The following C1QTNF7 variants were observed in gnomAD, a reference collection of about 807,000 sequenced individuals.
C1QTNF7 encodes the protein C1q and TNF related 7.
A neutral mutation model predicts 19.6 loss-of-function variants in C1QTNF7; 15 were observed. That is an observed-to-expected ratio of 0.76 (90% confidence interval 0.51 to 1.18). C1QTNF7 has a LOEUF of 1.18. Ranked by LOEUF, C1QTNF7 falls within the 50% of genes most tolerant of loss-of-function variation. The pLI is 0.00. For missense variants in C1QTNF7, 324 were observed against 359.7 expected (o/e 0.90, Z 0.80); for synonymous variants, 142 against 137.5 (o/e 1.03, Z -0.23).
rs116058335 is a variant in C1QTNF7, at chr4:15,363,337, C to T, written c.13+23130C>T. On this transcript the variant is annotated intron_variant, in intron 1 of 2. Transcript: ENST00000295297. ...AATTGTTATTTTTATTCAAGTAGAACGAAAACTTTGTGGTCATAAGAGACC... is the reference window on the plus strand; with the variant it reads ...AATTGTTATTTTTATTCAAGTAGAATGAAAACTTTGTGGTCATAAGAGACC... Among the ~76,000 whole-genome samples the T allele has an allele frequency of 9.1e-4, 138 of 151,858 alleles. 1 individual carries two copies. The highest frequency in any genetic ancestry group is 4.8e-3 in the South Asian group (23 of 4,798).
At chr4:15,402,611 A>C (rs559443731) in intron 1 of C1QTNF7, among the ~76,000 whole-genome samples, 1 of 152,330 alleles carries the variant, frequency 6.6e-6, no homozygotes, top group South Asian at 2.1e-4. Context: ...TGAAATAAAT[A>C]AAACCCTCCT....
chr4:15,400,896 C>A (rs1189870424), intron 1 of C1QTNF7, among the ~76,000 whole-genome samples: 1 of 152,138 alleles, frequency 6.6e-6, no homozygotes, highest in African/African-American at 2.4e-5. Context: ...TTCCCGATAC[C>A]CCCATCACAG....
chr4:15,380,670 C>A (rs1229025203), intron 1 of C1QTNF7, among the ~76,000 whole-genome samples: 5 of 152,194 alleles, frequency 3.3e-5, no homozygotes, highest in African/African-American at 1.2e-4. Context: ...CACAGTGGCT[C>A]ACATCTGTAA....
chr4:15,437,363 T>C (rs1168871334), intron 2 of C1QTNF7, among the ~76,000 whole-genome samples: 2 of 152,004 alleles, frequency 1.3e-5, no homozygotes, highest in Non-Finnish European at 2.9e-5. Flanking sequence ...GATTGTTAAG[T>C]TTAAGGGAAA....
chr4:15,439,284 T>C (rs1712657571), intron 2 of C1QTNF7, among the ~76,000 whole-genome samples: 1 of 152,210 alleles, frequency 6.6e-6, no homozygotes. Flanking sequence ...CAAACATTAC[T>C]ATAGAAAATC....
chr4:15,393,405 A>G (rs2252240), intron 1 of C1QTNF7, among the ~76,000 whole-genome samples: 143,877 of 152,242 alleles, frequency 0.95, 68,066 homozygotes, highest in East Asian at 1. Context: ...TACAGGCCCC[A>G]GGCTGCTAAA....
intron 1 of C1QTNF7, chr4:15,358,254 C>A (rs997463196): frequency 6.6e-6 from 1 of 152,124 alleles, no homozygotes; most frequent in African/African-American, 2.4e-5. Flanking sequence ...TCCATCAATA[C>A]CTCGTTTATT....
At chr4:15,339,988 G>T in exon 1 of C1QTNF7, 1 of 660,056 alleles carries the variant, frequency 1.5e-6, no homozygotes, top group African/African-American at 1.8e-5. Context: ...GCAAAACTTC[G>T]TACAACAGCA....
intron 1 of C1QTNF7, among the ~76,000 whole-genome samples, chr4:15,344,229 A>C (rs1241782107): frequency 2.6e-5 from 4 of 152,234 alleles, no homozygotes; most frequent in Non-Finnish European, 5.9e-5. Context: ...TTGAATGCCA[A>C]ACCACAAAGT....
At chr4:15,375,112 T>G (rs4371616) in intron 1 of C1QTNF7, among the ~76,000 whole-genome samples, 100,004 of 151,450 alleles carry the variant, frequency 0.66, 34,573 homozygotes, top group East Asian at 0.99. Flanking sequence ...AGCAGAAGTG[T>G]CTCTGTAACC....
chr4:15,351,618 C>T (rs1361087048), intron 1 of C1QTNF7, among the ~76,000 whole-genome samples: 2 of 152,178 alleles, frequency 1.3e-5, no homozygotes, highest in Non-Finnish European at 2.9e-5. Context: ...GAGACTAGTA[C>T]ATCAGAATCT....
intron 1 of C1QTNF7, among the ~76,000 whole-genome samples, chr4:15,384,710 A>G (rs1718267168): frequency 6.6e-6 from 1 of 152,242 alleles, no homozygotes; most frequent in Admixed American, 6.5e-5. Flanking sequence ...AACTTTTTGT[A>G]AGCATAAACT....
rs1258323633 is a variant in C1QTNF7, at chr4:15,395,513, T to C, written c.14-40223T>C. 3.3e-5 allele frequency among the ~76,000 whole-genome samples: 5 copies of C among 152,036 alleles called. No individual in the cohort carries two copies. The South Asian group carries it at 6.2e-4, about 19-fold the overall frequency. On this transcript the variant is annotated intron_variant, in intron 1 of 2. Coordinates refer to the C1QTNF7 transcript ENST00000295297. ...GGCCCTGTGATGAATGGATGCCAAA[T>C]AGACACAGACTCTAAGAAAACAAAG...
intron 1 of C1QTNF7, among the ~76,000 whole-genome samples, chr4:15,413,377 G>A (rs1577267376): frequency 6.6e-6 from 1 of 152,330 alleles, no homozygotes; most frequent in South Asian, 2.1e-4. Flanking sequence ...GTAAGAAATG[G>A]ATAACACTCC....
At chr4:15,359,112 G>A (rs963921528) in intron 1 of C1QTNF7, among the ~76,000 whole-genome samples, 6 of 152,078 alleles carry the variant, frequency 3.9e-5, no homozygotes, top group African/African-American at 1.4e-4. Flanking sequence ...TATTCTCAAT[G>A]GGCGGCTAGG....
chr4:15,367,525 C>T (rs984839086), intron 1 of C1QTNF7, among the ~76,000 whole-genome samples: 72 of 152,296 alleles, frequency 4.7e-4, no homozygotes, highest in African/African-American at 1.6e-3. Flanking sequence ...GCCGATGCAG[C>T]TCACTAGGAT....
chr4:15,383,578 C>G (rs1718225749), intron 1 of C1QTNF7, among the ~76,000 whole-genome samples: 1 of 152,258 alleles, frequency 6.6e-6, no homozygotes, highest in African/African-American at 2.4e-5. Flanking sequence ...CAACTCCTAG[C>G]TGGCCTTAGC....
At chr4:15,350,422 GTAAAGT>G (rs1716896932) in intron 1 of C1QTNF7, among the ~76,000 whole-genome samples, 1 of 47,160 alleles carries the variant, frequency 2.1e-5, no homozygotes, top group Non-Finnish European at 3.6e-5. Flanking sequence ...TTCTTTCCCT[GTAAAGT>G]TACTCATTTT....
chr4:15,381,358 T>C (rs1461990613), intron 1 of C1QTNF7, among the ~76,000 whole-genome samples: 1 of 149,692 alleles, frequency 6.7e-6, no homozygotes, highest in African/African-American at 2.5e-5. Context: ...CAGAGCTTGC[T>C]GTGAGCAGAG....
Sources: gnomAD v4.1 joint callset for allele counts (sites outside exome capture counted in the v4.1 genomes callset) on GRCh38, gnomAD v4.1.1 for gene constraint, MANE v1.5 for transcripts, NCBI Gene and HGNC (gene_info 2026-07-23, HGNC 2026-07-21) for gene names.